The following HS6ST3 variants were observed in gnomAD, a reference collection of about 807,000 sequenced individuals.
The protein encoded by HS6ST3 is heparan-sulfate 6-O-sulfotransferase 3.
Under a neutral mutation model 36.7 loss-of-function variants are expected in HS6ST3, and 12 were observed. The ratio of observed to expected loss-of-function variants is 0.33; its 90% CI spans 0.21 to 0.53. HS6ST3 has a LOEUF of 0.53. Ranked by LOEUF, HS6ST3 falls within the 20% of genes least tolerant of loss-of-function variation. The probability of loss-of-function intolerance (pLI) is 0.95; values close to 1 mark genes in which losing one functional copy is unlikely to be tolerated. For synonymous variants in HS6ST3, 240 were observed against 257.5 expected (o/e 0.93, Z 0.65); for missense variants, 584 against 640.9 (o/e 0.91, Z 0.96).
At chr13:96,527,690 AC>A (rs1320949538) in intron 1 of HS6ST3, among the ~76,000 whole-genome samples, 5 of 152,216 alleles carry the variant, frequency 3.3e-5, no homozygotes, top group African/African-American at 9.6e-5. Context: ...TGAGAGGATC[AC>A]CAGCAGAGGG....
chr13:96,580,388 C>T (rs1474947345), intron 1 of HS6ST3, among the ~76,000 whole-genome samples: 2 of 107,050 alleles, frequency 1.9e-5, no homozygotes, highest in Non-Finnish European at 4.0e-5. Context: ...TTGGTCAACA[C>T]TTTGTTTTTT....
rs574383265 is a variant in HS6ST3, at chr13:96,287,486, A to G, written c.707+195917A>G. ...TACTATCAAGGCACGTGTGGAAAGT[A>G]GTTATAGTGAACATTTTAAAATGGA... On this transcript the variant is annotated intron_variant, in intron 1 of 1. Coordinates refer to ENST00000376705, the MANE Select transcript of HS6ST3 (RefSeq NM_153456.4). Among the ~76,000 whole-genome samples the G allele has an allele frequency of 5.9e-5, 9 of 152,332 alleles. No individual in the cohort carries two copies. The South Asian group carries it at 1.9e-3, about 32-fold the overall frequency.
At chr13:96,326,682 G>C (rs1460916703) in intron 1 of HS6ST3, among the ~76,000 whole-genome samples, 1 of 152,058 alleles carries the variant, frequency 6.6e-6, no homozygotes. Flanking sequence ...GTAATCCTTT[G>C]GGTATTTACC....
chr13:96,505,071 C>A (rs2056020943), intron 1 of HS6ST3, among the ~76,000 whole-genome samples: 1 of 152,040 alleles, frequency 6.6e-6, no homozygotes, highest in Non-Finnish European at 1.5e-5. Flanking sequence ...ATGGCTTATC[C>A]AACATAATGG....
At chr13:96,569,847 G>A (rs1259525688) in intron 1 of HS6ST3, among the ~76,000 whole-genome samples, 2 of 152,032 alleles carry the variant, frequency 1.3e-5, no homozygotes, top group Non-Finnish European at 2.9e-5. Context: ...TAGATCTCAG[G>A]GCTGTGTTGG....
Position 96,832,847 on chromosome 13 carries a change from G to A in HS6ST3, c.1065G>A (p.Glu355=). The stretch of plus-strand genomic sequence containing the variant: ...ACATGGCCTTCTTTGGGCTCACTGA[G>A]TTCCAGAGGAAGACACAGTTTCTCT... ...LKNMAFFGLT[E]FQRKTQFLFE... Residue 355 remains glutamate, a synonymous_variant, in exon 2 of 2, where the codon GAG becomes GAA. Transcript: ENST00000376705. 2 of 1,614,150 alleles carry A rather than the reference G, an allele frequency of 1.2e-6. No homozygotes were observed. Among genetic ancestry groups the A allele is most frequent in the Non-Finnish European group, 1.7e-6 (2 of 1,180,018 alleles).
chr13:96,820,144 G>A (rs1002057471), intron 1 of HS6ST3, among the ~76,000 whole-genome samples: 7 of 152,014 alleles, frequency 4.6e-5, no homozygotes, highest in African/African-American at 1.4e-4. Context: ...CTGTAAAAGT[G>A]GACGAAGAAT....
At chr13:96,246,932 G>T (rs1840826072) in intron 1 of HS6ST3, among the ~76,000 whole-genome samples, 1 of 152,014 alleles carries the variant, frequency 6.6e-6, no homozygotes, top group African/African-American at 2.4e-5. Flanking sequence ...CTTAGTATCT[G>T]CTGCTAAAAA....
At chr13:96,580,778 C>T (rs955782498) in intron 1 of HS6ST3, among the ~76,000 whole-genome samples, 4 of 152,054 alleles carry the variant, frequency 2.6e-5, no homozygotes, top group Admixed American at 2.0e-4. Context: ...AGAATTCAGG[C>T]TTCTCATCTA....
chr13:96,823,880 G>A (rs1878595650), intron 1 of HS6ST3, among the ~76,000 whole-genome samples: 2 of 152,132 alleles, frequency 1.3e-5, no homozygotes, highest in Admixed American at 1.3e-4. Context: ...GTCTCCCAAA[G>A]TGCTGGGATT....
intron 1 of HS6ST3, among the ~76,000 whole-genome samples, chr13:96,183,372 A>T (rs1268817345): frequency 1.3e-5 from 2 of 152,128 alleles, no homozygotes; most frequent in African/African-American, 4.8e-5. Context: ...GTTTGGGATG[A>T]TCTTCATTTT....
chr13:96,357,945 G>A (rs1432866480), intron 1 of HS6ST3, among the ~76,000 whole-genome samples: 2 of 152,150 alleles, frequency 1.3e-5, no homozygotes, highest in Non-Finnish European at 2.9e-5. Flanking sequence ...GAAATATTTT[G>A]AGAATTTCTA....
chr13:96,507,879 G>A (rs1339028360), intron 1 of HS6ST3, among the ~76,000 whole-genome samples: 2 of 152,036 alleles, frequency 1.3e-5, no homozygotes, highest in Non-Finnish European at 2.9e-5. Context: ...TTTACTTGAA[G>A]TTAACAAAAG....
intron 1 of HS6ST3, among the ~76,000 whole-genome samples, chr13:96,623,009 G>C (rs1426461316): frequency 6.6e-6 from 1 of 152,082 alleles, no homozygotes; most frequent in Non-Finnish European, 1.5e-5. Flanking sequence ...AGTATGTGTA[G>C]TTTTTATTCT....
At chr13:96,495,011 C>T (rs577662515) in intron 1 of HS6ST3, among the ~76,000 whole-genome samples, 2 of 152,278 alleles carry the variant, frequency 1.3e-5, no homozygotes, top group South Asian at 4.1e-4. Context: ...CAGTTTTTCA[C>T]CTTGTTTCTT....
At chr13:96,189,733 A>G (rs1040050979) in intron 1 of HS6ST3, among the ~76,000 whole-genome samples, 50 of 152,180 alleles carry the variant, frequency 3.3e-4, no homozygotes, top group Non-Finnish European at 1.5e-4. Context: ...TGGGTCAGAC[A>G]TTTCTGGAAC....
chr13:96,533,223 A>AG (rs1413892843), intron 1 of HS6ST3, among the ~76,000 whole-genome samples: 2 of 152,142 alleles, frequency 1.3e-5, no homozygotes, highest in African/African-American at 4.8e-5. Context: ...TTGATTCTTC[A>AG]GGGGGGTAGA....
chr13:96,773,704 C>G (rs1346552222), intron 1 of HS6ST3, among the ~76,000 whole-genome samples: 1 of 152,202 alleles, frequency 6.6e-6, no homozygotes, highest in African/African-American at 2.4e-5. Context: ...AAACTCCCAC[C>G]TCCCTGGGAC....
intron 1 of HS6ST3, among the ~76,000 whole-genome samples, chr13:96,214,033 T>A (rs2054412066): frequency 6.6e-6 from 1 of 152,166 alleles, no homozygotes; most frequent in Admixed American, 6.5e-5. Flanking sequence ...TCTCTGCGGG[T>A]CCTCTCAGGT....
Sources: gnomAD v4.1 joint callset for allele counts (sites outside exome capture counted in the v4.1 genomes callset) on GRCh38, gnomAD v4.1.1 for gene constraint, MANE v1.5 for transcripts, NCBI Gene and HGNC (gene_info 2026-07-23, HGNC 2026-07-21) for gene names.